The following CDH12 variants were observed in gnomAD, a reference collection of about 807,000 sequenced individuals.
CDH12 encodes the protein cadherin-12.
CDH12 carries 41 observed loss-of-function variants against 74.1 expected under a neutral mutation model. The observed-to-expected ratio is 0.55, with a 90% CI of 0.43 to 0.72. CDH12 has a LOEUF of 0.72. Ranked by LOEUF, CDH12 falls within the 30% of genes least tolerant of loss-of-function variation. The probability of loss-of-function intolerance (pLI) is 0.00; values close to 1 mark genes in which losing one functional copy is unlikely to be tolerated. For synonymous variants in CDH12, 399 were observed against 355.0 expected (o/e 1.12, Z -1.39); for missense variants, 945 against 977.2 (o/e 0.97, Z 0.44).
At position 22,661,198 on chromosome 5, in the gene CDH12, CAG is replaced by C. The variant is rs150214417; in HGVS notation, c.-522-155836_-522-155835del. Among the ~76,000 whole-genome samples, 47 of 152,296 alleles carry C rather than the reference CAG, an allele frequency of 3.1e-4. No individual in the cohort carries two copies. The East Asian group carries it at 4.8e-3, about 16-fold the overall frequency. The stretch of plus-strand genomic sequence containing the variant: ...CTTGATCATTTCAGAGCTTCAACCA[CAG>C]AGTCTTCCACCACTTAATCTAACAC... On this transcript the variant is annotated intron_variant, in intron 1 of 14. Transcript: ENST00000382254.
chr5:22,680,353 C>T (rs936754210), intron 1 of CDH12, among the ~76,000 whole-genome samples: 1 of 151,944 alleles, frequency 6.6e-6, no homozygotes, highest in Admixed American at 6.6e-5. Flanking sequence ...GCAAAAGAAA[C>T]CCTGTTGCTA....
At chr5:22,573,232 T>G (rs1308938427) in intron 1 of CDH12, among the ~76,000 whole-genome samples, 1 of 152,150 alleles carries the variant, frequency 6.6e-6, no homozygotes, top group Non-Finnish European at 1.5e-5. Flanking sequence ...TTTGACAAAT[T>G]TTTGCAACAT....
intron 5 of CDH12, among the ~76,000 whole-genome samples, chr5:22,056,421 T>C (rs1740747898): frequency 6.6e-6 from 1 of 152,202 alleles, no homozygotes; most frequent in Non-Finnish European, 1.5e-5. Flanking sequence ...AATTATATTC[T>C]ACTATTGTTC....
At chr5:22,380,155 G>A (rs1214086670) in intron 3 of CDH12, among the ~76,000 whole-genome samples, 1 of 152,176 alleles carries the variant, frequency 6.6e-6, no homozygotes, top group Non-Finnish European at 1.5e-5. Context: ...AAAAAGAAAG[G>A]AGGGTAAACT....
chr5:22,804,856 A>C (rs115235004), intron 1 of CDH12, among the ~76,000 whole-genome samples: 3,203 of 152,314 alleles, frequency 0.021, 109 homozygotes, highest in African/African-American at 0.073. Context: ...TTGTACGTAC[A>C]CTACTTTAAG....
chr5:21,953,217 A>G (rs1755943804), intron 6 of CDH12, among the ~76,000 whole-genome samples: 1 of 152,022 alleles, frequency 6.6e-6, no homozygotes, highest in South Asian at 2.1e-4. Context: ...ATTCCTTTCT[A>G]TCGATTTCAA....
intron 1 of CDH12, among the ~76,000 whole-genome samples, chr5:22,744,649 C>A (rs1380008360): frequency 6.6e-6 from 1 of 152,036 alleles, no homozygotes; most frequent in Admixed American, 6.5e-5. Context: ...TTATAGATAG[C>A]AACTGTAGAT....
intron 1 of CDH12, among the ~76,000 whole-genome samples, chr5:22,728,837 C>T (rs1744291013): frequency 6.6e-6 from 1 of 151,788 alleles, no homozygotes; most frequent in Non-Finnish European, 1.5e-5. Flanking sequence ...CCTCCACCGT[C>T]ATGACCTAAT....
chr5:22,469,895 G>C (rs1424475), intron 2 of CDH12, among the ~76,000 whole-genome samples: 1 of 151,680 alleles, frequency 6.6e-6, no homozygotes, highest in African/African-American at 2.4e-5. Context: ...TTTCCTGCCA[G>C]AACTTCAGGA....
At chr5:22,662,684 A>T (rs886993219) in intron 1 of CDH12, among the ~76,000 whole-genome samples, 16 of 152,198 alleles carry the variant, frequency 1.1e-4, no homozygotes, top group East Asian at 1.9e-4. Flanking sequence ...GCCTTAAAAA[A>T]TTTTTTTGAT....
intron 1 of CDH12, among the ~76,000 whole-genome samples, chr5:22,729,584 C>T (rs1580934746): frequency 6.6e-6 from 1 of 151,988 alleles, no homozygotes; most frequent in African/African-American, 2.4e-5. Context: ...CTACCACATT[C>T]ACCAGTGCAT....
At chr5:22,851,487 G>A (rs1412895014) in intron 1 of CDH12, among the ~76,000 whole-genome samples, 1 of 152,076 alleles carries the variant, frequency 6.6e-6, no homozygotes, top group Non-Finnish European at 1.5e-5. Flanking sequence ...TGAAGTAAGA[G>A]TTATTAAGAG....
At chr5:22,713,776 A>G (rs985298042) in intron 1 of CDH12, among the ~76,000 whole-genome samples, 4 of 152,162 alleles carry the variant, frequency 2.6e-5, no homozygotes. Flanking sequence ...TAGTCTTATA[A>G]CATCCTACTG....
intron 1 of CDH12, among the ~76,000 whole-genome samples, chr5:22,850,530 G>C (rs1737501984): frequency 6.6e-6 from 1 of 151,912 alleles, no homozygotes; most frequent in African/African-American, 2.4e-5. Context: ...AAACAGGAAG[G>C]ATAAATATTT....
At chr5:22,195,950 A>G (rs1174959420) in intron 4 of CDH12, among the ~76,000 whole-genome samples, 3 of 152,130 alleles carry the variant, frequency 2.0e-5, no homozygotes, top group Non-Finnish European at 4.4e-5. Flanking sequence ...TTTTTAAAAG[A>G]GTCATATATA....
intron 1 of CDH12, among the ~76,000 whole-genome samples, chr5:22,849,361 A>G (rs1737447755): frequency 6.6e-6 from 1 of 152,072 alleles, no homozygotes; most frequent in Admixed American, 6.6e-5. Flanking sequence ...ATCTTTGTAC[A>G]TGGGGGATTT....
Position 22,110,797 on chromosome 5 carries a change from G to T in CDH12, c.-186-31935C>A, listed in dbSNP as rs62349107. On this transcript the variant is annotated intron_variant, in intron 4 of 14. Coordinates refer to ENST00000382254, the MANE Select transcript of CDH12 (RefSeq NM_004061.5). ...GATTTCAGGCTCCTCTATCCTCCTAGCCTGGTGGTCTCTCATTAATGTTAC... is the reference window on the plus strand; with the variant it reads ...GATTTCAGGCTCCTCTATCCTCCTATCCTGGTGGTCTCTCATTAATGTTAC... Among the ~76,000 whole-genome samples, 907 of 152,212 alleles carry T rather than the reference G, an allele frequency of 6.0e-3. 8 individuals are homozygous for T. Among genetic ancestry groups the T allele is most frequent in the Non-Finnish European group, 9.5e-3 (644 of 68,016 alleles).
intron 6 of CDH12, among the ~76,000 whole-genome samples, chr5:21,920,667 T>TATTATAATAATAATAATAATA (rs149078574): frequency 8.2e-5 from 12 of 145,476 alleles, no homozygotes; most frequent in African/African-American, 2.5e-4. Flanking sequence ...GAACTTAAAG[T>TATTATAATAATAATAATAATA]ATGATAATAA....
chr5:22,076,159 A>G (rs186549575), intron 5 of CDH12, among the ~76,000 whole-genome samples: 25 of 152,252 alleles, frequency 1.6e-4, no homozygotes, highest in African/African-American at 6.0e-4. Flanking sequence ...GCCCTGTACC[A>G]GCGGAAATAA....
Sources: gnomAD v4.1 joint callset for allele counts (sites outside exome capture counted in the v4.1 genomes callset) on GRCh38, gnomAD v4.1.1 for gene constraint, MANE v1.5 for transcripts, NCBI Gene and HGNC (gene_info 2026-07-23, HGNC 2026-07-21) for gene names.